CDK14: variants seen among roughly 807,000 people sequenced by gnomAD.
The protein encoded by CDK14 is cyclin dependent kinase 14, also known as cyclin-dependent kinase 14.
In CDK14, 34 loss-of-function variants were observed where a neutral mutation model predicts 60.7. That is an observed-to-expected ratio of 0.56 (90% CI 0.43 to 0.75). The LOEUF (loss-of-function observed/expected upper bound fraction) is 0.75, where lower values mean the gene tolerates loss of function less well. CDK14 is among the 30% of genes least tolerant of loss of function. The probability of loss-of-function intolerance (pLI) is 0.00; values close to 1 mark genes in which losing one functional copy is unlikely to be tolerated. For synonymous variants in CDK14, 197 were observed against 203.7 expected, an observed-to-expected ratio of 0.97 and a Z score of 0.28; for missense variants, 482 against 564.1, an observed-to-expected ratio of 0.85 and a Z score of 1.47.
At chr7:91,171,844 AC>A (rs1801531351) in intron 14 of CDK14, among the ~76,000 whole-genome samples, 3 of 152,076 alleles carry the variant, frequency 2.0e-5, no homozygotes, top group Non-Finnish European at 4.4e-5. Flanking sequence ...ACCTGGTTTC[AC>A]CATGTTGGTT....
chr7:91,143,004 G>T (rs1800513443), intron 14 of CDK14, among the ~76,000 whole-genome samples: 1 of 152,152 alleles, frequency 6.6e-6, no homozygotes, highest in African/African-American at 2.4e-5. Context: ...TTCACCCAAG[G>T]TAAAATGTGA....
chr7:90,928,231 T>G (rs1281142080), intron 8 of CDK14, among the ~76,000 whole-genome samples: 1 of 152,240 alleles, frequency 6.6e-6, no homozygotes, highest in Non-Finnish European at 1.5e-5. Flanking sequence ...CTCATCAAAG[T>G]CATTCTCCGT....
chr7:91,194,162 G>A (rs1204917862), intron 14 of CDK14, among the ~76,000 whole-genome samples: 1 of 152,156 alleles, frequency 6.6e-6, no homozygotes, highest in Non-Finnish European at 1.5e-5. Flanking sequence ...AGGAAGTACT[G>A]AGAGAGACAA....
intron 9 of CDK14, among the ~76,000 whole-genome samples, chr7:90,968,008 G>C (rs1412732797): frequency 6.6e-6 from 1 of 152,220 alleles, no homozygotes; most frequent in African/African-American, 2.4e-5. Flanking sequence ...AAGGATGGAC[G>C]TGGAGAATTC....
chr7:90,965,751 G>A (rs1279449261), intron 9 of CDK14, among the ~76,000 whole-genome samples: 1 of 152,126 alleles, frequency 6.6e-6, no homozygotes, highest in Admixed American at 6.6e-5. Flanking sequence ...TCTCACAAAT[G>A]ATTGATGTTT....
intron 11 of CDK14, among the ~76,000 whole-genome samples, chr7:91,076,422 G>T (rs897974881): frequency 2.0e-5 from 3 of 152,050 alleles, no homozygotes; most frequent in African/African-American, 7.2e-5. Context: ...TTTAATAAGT[G>T]ATGCTGGGAA....
At chr7:90,706,913 G>A (rs1469631214) in intron 2 of CDK14, among the ~76,000 whole-genome samples, 1 of 152,098 alleles carries the variant, frequency 6.6e-6, no homozygotes, top group East Asian at 1.9e-4. Flanking sequence ...TGCTTCAGGG[G>A]AGACTAATGC....
intron 5 of CDK14, among the ~76,000 whole-genome samples, chr7:90,831,912 A>G (rs1195690521): frequency 1.3e-5 from 2 of 151,894 alleles, no homozygotes; most frequent in East Asian, 3.9e-4. Flanking sequence ...CTCACAGCAC[A>G]TGAGGTTCCC....
intron 12 of CDK14, among the ~76,000 whole-genome samples, chr7:91,089,537 A>G (rs1312311288): frequency 2.0e-5 from 3 of 150,784 alleles, no homozygotes; most frequent in East Asian, 2.0e-4. Flanking sequence ...GTGTATATCC[A>G]TGTGGCCTGT....
intron 6 of CDK14, among the ~76,000 whole-genome samples, chr7:90,897,540 T>A (rs1283926975): frequency 6.6e-6 from 1 of 152,090 alleles, no homozygotes; most frequent in Non-Finnish European, 1.5e-5. Flanking sequence ...TTATCTATTA[T>A]ATTATAAGTA....
intron 3 of CDK14, among the ~76,000 whole-genome samples, chr7:90,729,229 C>T (rs1802756214): frequency 6.6e-6 from 1 of 150,848 alleles, no homozygotes; most frequent in Admixed American, 6.6e-5. Flanking sequence ...CTAATCATAT[C>T]ATTTGTAGCC....
chr7:90,668,699 C>CTTTTTTT (rs59773768), intron 2 of CDK14, among the ~76,000 whole-genome samples: 2 of 87,540 alleles, frequency 2.3e-5, no homozygotes, highest in Non-Finnish European at 4.5e-5. Flanking sequence ...GACTCGCATT[C>CTTTTTTT]TTTTTTTTTT....
chr7:90,944,116 GA>G (rs1007361109), intron 8 of CDK14, among the ~76,000 whole-genome samples: 14 of 152,124 alleles, frequency 9.2e-5, no homozygotes, highest in African/African-American at 3.4e-4. Flanking sequence ...ACAACATGAT[GA>G]CACAATACCA....
At chr7:90,929,623 T>C (rs1196212048) in intron 8 of CDK14, among the ~76,000 whole-genome samples, 1 of 152,228 alleles carries the variant, frequency 6.6e-6, no homozygotes, top group Non-Finnish European at 1.5e-5. Flanking sequence ...GATAGATTTA[T>C]ATTATTCATG....
chr7:90,596,821 G>A (rs1799196785), intron 1 of CDK14, 103 bp downstream of exon 1: 1 of 965,792 alleles, frequency 1.0e-6, no homozygotes, highest in Non-Finnish European at 1.6e-6. Context: ...CGGGGCTGGC[G>A]TGGGGTGCGT....
At chr7:90,865,614 T>C (rs1337593241) in intron 6 of CDK14, among the ~76,000 whole-genome samples, 1 of 152,014 alleles carries the variant, frequency 6.6e-6, no homozygotes, top group Non-Finnish European at 1.5e-5. Flanking sequence ...CGGCATAAGG[T>C]AGGAAACAGG....
chr7:91,181,556 G>A (rs1486623573), intron 14 of CDK14, among the ~76,000 whole-genome samples: 1 of 152,048 alleles, frequency 6.6e-6, no homozygotes, highest in Non-Finnish European at 1.5e-5. Context: ...TAGTTTATTA[G>A]CTGGAACATT....
chr7:90,872,676 A>T (rs1049722131), intron 6 of CDK14, among the ~76,000 whole-genome samples: 10 of 141,942 alleles, frequency 7.0e-5, no homozygotes, highest in African/African-American at 2.6e-4. Flanking sequence ...TGTTTACATC[A>T]TATCTATCAT....
chr7:91,160,381 T>G (rs1007781220), intron 14 of CDK14, among the ~76,000 whole-genome samples: 5 of 152,176 alleles, frequency 3.3e-5, no homozygotes, highest in Admixed American at 2.6e-4. Flanking sequence ...TTGGGGACTG[T>G]GGACTTCCCT....
Sources: gnomAD v4.1 joint callset for allele counts (sites outside exome capture counted in the v4.1 genomes callset) on GRCh38, gnomAD v4.1.1 for gene constraint, MANE v1.5 for transcripts, NCBI Gene and HGNC (gene_info 2026-07-23, HGNC 2026-07-21) for gene names.